CLIP4: variants seen among roughly 807,000 people sequenced by gnomAD.
CLIP4 encodes the protein CAP-Gly domain containing linker protein family member 4, also known as CAP-Gly domain-containing linker protein 4.
Under a neutral mutation model 73.1 loss-of-function variants are expected in CLIP4, and 47 were observed. The ratio of observed to expected loss-of-function variants is 0.64; its 90% CI spans 0.51 to 0.82. The LOEUF (loss-of-function observed/expected upper bound fraction) is 0.82. CLIP4 is among the 40% of genes least tolerant of loss of function. The probability of loss-of-function intolerance (pLI) is 0.00; values close to 1 mark genes in which losing one functional copy is unlikely to be tolerated. For missense variants in CLIP4, 874 were observed against 852.9 expected (o/e 1.02, Z -0.31); for synonymous variants, 306 against 295.4 (o/e 1.04, Z -0.37).
At chr2:29,164,694 C>T (rs1048484367) in intron 13 of CLIP4, among the ~76,000 whole-genome samples, 3 of 152,152 alleles carry the variant, frequency 2.0e-5, no homozygotes, top group Admixed American at 6.5e-5. Context: ...ACTAGACCTA[C>T]GATCGCAATC....
intron 13 of CLIP4, among the ~76,000 whole-genome samples, chr2:29,166,957 CA>C (rs1376335017): frequency 6.6e-6 from 1 of 152,010 alleles, no homozygotes; most frequent in Non-Finnish European, 1.5e-5. Flanking sequence ...ATTTGAATAT[CA>C]AAAAATGCAG....
chr2:29,119,990 A>G (rs772786664), intron 1 of CLIP4, among the ~76,000 whole-genome samples: 3 of 152,174 alleles, frequency 2.0e-5, no homozygotes, highest in Non-Finnish European at 4.4e-5. Context: ...AACATCTAGA[A>G]TAGTGTCTTG....
chr2:29,108,817 AAATAT>A (rs1254574667), intron 1 of CLIP4, among the ~76,000 whole-genome samples: 2 of 152,224 alleles, frequency 1.3e-5, no homozygotes, highest in Non-Finnish European at 2.9e-5. Context: ...ACACTATTGA[AAATAT>A]AATTTAATAT....
intron 5 of CLIP4, among the ~76,000 whole-genome samples, chr2:29,134,266 A>T (rs745711612): frequency 2.0e-5 from 3 of 152,020 alleles, no homozygotes; most frequent in Non-Finnish European, 4.4e-5. Context: ...CCCTGTTTTG[A>T]TGGTGATATC....
chr2:29,171,898 T>C lies in CLIP4; in HGVS notation c.1724-2475T>C, dbSNP rs78175822. The stretch of plus-strand genomic sequence containing the variant: ...ACTCATTTGCATTTATTGTAATTAC[T>C]GATATACACTGATGATATTTTTGTT... On this transcript the variant is annotated intron_variant, in intron 14 of 15. Transcript: ENST00000320081. Among the ~76,000 whole-genome samples, 1,069 of 152,254 alleles carry C rather than the reference T, an allele frequency of 7.0e-3. 10 individuals are homozygous for C. Among genetic ancestry groups the C allele is most frequent in the African/African-American group, 0.024 (1,004 of 41,542 alleles).
intron 6 of CLIP4, among the ~76,000 whole-genome samples, chr2:29,136,650 AG>A (rs1393356726): frequency 3.9e-5 from 6 of 152,222 alleles, no homozygotes; most frequent in Non-Finnish European, 8.8e-5. Flanking sequence ...AGGCTTCAAC[AG>A]GGGGTGACAT....
At chr2:29,159,198 T>A (rs1183148240) in intron 11 of CLIP4, among the ~76,000 whole-genome samples, 2 of 152,218 alleles carry the variant, frequency 1.3e-5, no homozygotes, top group African/African-American at 4.8e-5. Flanking sequence ...ATCCAGACCT[T>A]CTCCATGGGT....
chr2:29,138,622 T>C (rs555392916), intron 6 of CLIP4, among the ~76,000 whole-genome samples: 36 of 152,312 alleles, frequency 2.4e-4, no homozygotes, highest in African/African-American at 8.2e-4. Context: ...TTAATGATAC[T>C]GATTCTTCCA....
chr2:29,118,493 TC>T (rs1302246282), intron 1 of CLIP4: 10 of 152,244 alleles, frequency 6.6e-5, no homozygotes, highest in African/African-American at 2.2e-4. Context: ...AGGCACCTGT[TC>T]TGTAGACAGT....
intron 8 of CLIP4, 132 bp from the exon 9 acceptor site, chr2:29,152,553 T>C (rs1237594916): frequency 1.5e-5 from 13 of 838,924 alleles, no homozygotes; most frequent in South Asian, 2.1e-5. Context: ...ACATTTTTTT[T>C]CCTCTCATCA....
At chr2:29,135,147 T>C (rs1665259151) in intron 5 of CLIP4, among the ~76,000 whole-genome samples, 1 of 152,200 alleles carries the variant, frequency 6.6e-6, no homozygotes, top group Non-Finnish European at 1.5e-5. Flanking sequence ...GGATTTGGCC[T>C]CTGAGTCATA....
At chr2:29,100,281 T>C (rs1668002840) in intron 1 of CLIP4, among the ~76,000 whole-genome samples, 1 of 152,146 alleles carries the variant, frequency 6.6e-6, no homozygotes, top group Non-Finnish European at 1.5e-5. Flanking sequence ...CTTTGCCTTT[T>C]TCTTTCATTG....
At chr2:29,141,581 A>G (rs1665769657) in intron 6 of CLIP4, among the ~76,000 whole-genome samples, 1 of 152,126 alleles carries the variant, frequency 6.6e-6, no homozygotes, top group Non-Finnish European at 1.5e-5. Flanking sequence ...GTAATGCCCT[A>G]CTTTGTCCCT....
intron 15 of CLIP4, among the ~76,000 whole-genome samples, chr2:29,179,053 C>G (rs984676668): frequency 6.6e-5 from 10 of 152,344 alleles, no homozygotes; most frequent in African/African-American, 2.4e-4. Context: ...CCTCAGCCTC[C>G]CCAGGTGCTG....
At chr2:29,137,915 T>G (rs935760978) in intron 6 of CLIP4, among the ~76,000 whole-genome samples, 2 of 152,192 alleles carry the variant, frequency 1.3e-5, no homozygotes, top group Non-Finnish European at 2.9e-5. Context: ...ATTAGTCCTT[T>G]GTTGGATGCA....
chr2:29,118,686 T>G (rs1344699047), intron 1 of CLIP4, among the ~76,000 whole-genome samples: 1 of 151,928 alleles, frequency 6.6e-6, no homozygotes, highest in African/African-American at 2.4e-5. Flanking sequence ...GCCCAGCGAA[T>G]TTTTTGTATT....
At chr2:29,102,538 G>A (rs1410709838) in intron 1 of CLIP4, among the ~76,000 whole-genome samples, 2 of 152,114 alleles carry the variant, frequency 1.3e-5, no homozygotes, top group South Asian at 2.1e-4. Context: ...CAGTCACTGC[G>A]TTCAAAACAT....
At chr2:29,145,164 T>A (rs928299257) in intron 7 of CLIP4, 68 bp from the exon 8 acceptor site, 1 of 1,383,966 alleles carries the variant, frequency 7.2e-7, no homozygotes, top group African/African-American at 1.5e-5. Flanking sequence ...TGAAGTAAAG[T>A]TGCAAGAGTA....
At chr2:29,148,312 C>G (rs1455016874) in intron 8 of CLIP4, among the ~76,000 whole-genome samples, 1 of 152,170 alleles carries the variant, frequency 6.6e-6, no homozygotes, top group Admixed American at 6.5e-5. Flanking sequence ...CATCTTTTCC[C>G]TTTGGCTTGT....
Sources: allele counts gnomAD v4.1 joint callset (sites outside exome capture counted in the v4.1 genomes callset), GRCh38; gene constraint gnomAD v4.1.1; transcripts MANE v1.5; gene names NCBI Gene and HGNC (gene_info 2026-07-23, HGNC 2026-07-21).